Variants in NBR1 observed in about 807,000 individuals in gnomAD.
The protein encoded by NBR1 is NBR1 autophagy cargo receptor.
In NBR1, 59 loss-of-function variants were observed where a neutral mutation model predicts 115.5. The observed-to-expected ratio is 0.51, with a 90% confidence interval of 0.41 to 0.63. The LOEUF (loss-of-function observed/expected upper bound fraction) is 0.63. Among genes scored for constraint, NBR1 ranks in the 30% least tolerant of loss-of-function variants. The pLI is 0.00. For missense variants in NBR1, 1,043 were observed against 1,150.5 expected, an observed-to-expected ratio of 0.91 and a Z score of 1.35; for synonymous variants, 373 against 414.7, an observed-to-expected ratio of 0.90 and a Z score of 1.22.
In NBR1 at chr17:43,200,562, G is replaced by A. The variant is rs1340481385; in HGVS notation, c.2422G>A (p.Val808Met). 4 of 1,613,186 alleles carry A rather than the reference G, an allele frequency of 2.5e-6. No individual in the cohort carries two copies. Among genetic ancestry groups the A allele is most frequent in the Admixed American group, 3.3e-5 (2 of 59,988 alleles). ...ILTTSQTLET[V>M]PLIPEVVELP... ...CACGACCTCACAGACTCTGGAAACA[G>A]TGCCCCTAATCCCAGAGGTAGTGGA... Residue 808 changes from valine to methionine, a missense_variant, in exon 17 of 21, where the codon GTG (valine) becomes ATG (methionine). Coordinates refer to ENST00000590996, the MANE Select transcript of NBR1 (RefSeq NM_005899.5).
intron 20 of NBR1, among the ~76,000 whole-genome samples, chr17:43,205,771 A>T (rs2057301745): frequency 6.6e-6 from 1 of 151,476 alleles, no homozygotes; most frequent in African/African-American, 2.4e-5. Flanking sequence ...CCAGATACTC[A>T]AGAGGCCGAG....
chr17:43,183,626 G>A (rs1283378683), intron 5 of NBR1, among the ~76,000 whole-genome samples: 1 of 152,188 alleles, frequency 6.6e-6, no homozygotes, highest in Non-Finnish European at 1.5e-5. Context: ...AGCCTCCTGA[G>A]TAGTTGGGAC....
In NBR1 at chr17:43,193,155, A is replaced by G. The variant is rs1183378891; in HGVS notation, c.1135A>G (p.Asn379Asp). 6.2e-7 allele frequency: 1 copy of G among 1,613,976 alleles called. No homozygotes were observed. The change falls in exon 11 of 21, where the codon AAT becomes GAT. Residue 379 changes from asparagine to aspartate, a missense_variant. Coordinates refer to ENST00000590996, the MANE Select transcript of NBR1 (RefSeq NM_005899.5). The part of the protein sequence containing the change: ...PMLSAAFVDE[N>D]LPDGTHLQPG... ...GCTCAGTGCAGCATTTGTGGATGAG[A>G]ATTTGCCTGATGGGACTCACCTTCA...
At position 43,210,653 on chromosome 17, in the gene NBR1, C is replaced by T; in HGVS notation, c.*579C>T. Reference sequence around the variant, plus strand: ...ACTTAATAATTGGCACCGTTGCTTTCTAAAGACTCCATGGTGCATTCAAGA... The same window carrying T: ...ACTTAATAATTGGCACCGTTGCTTTTTAAAGACTCCATGGTGCATTCAAGA... On this transcript the variant is annotated 3_prime_UTR_variant, in exon 21 of 21. Coordinates refer to ENST00000590996, the MANE Select transcript of NBR1 (RefSeq NM_005899.5). 1 of 398,540 alleles carries T rather than the reference C, an allele frequency of 2.5e-6. No homozygotes were observed. Among genetic ancestry groups the T allele is most frequent in the East Asian group, 3.6e-5 (1 of 28,048 alleles). The allele number at this position is 398,540 out of a possible 1,614,324, so 24.7% of individuals were successfully genotyped here. A position where few individuals can be genotyped will look rare whatever the true frequency, so the allele number is the denominator to read the frequency against.
Position 43,195,047 on chromosome 17 carries a change from T to A in NBR1, c.1750+8T>A, listed in dbSNP as rs2057035462. ...CCCACAACACCCCTGTGGGTAAGAA[T>A]GTCACTCATTTCATCTTGTTCGTCT... is the stretch of plus-strand genomic sequence containing the variant. On this transcript the variant is annotated splice_region_variant and intron_variant, in intron 14 of 20. Transcript: ENST00000590996. 1 of 1,609,500 alleles carries A rather than the reference T, an allele frequency of 6.2e-7. No individual in the cohort carries two copies. The highest frequency in any genetic ancestry group is 1.3e-5 in the African/African-American group (1 of 74,936).
rs540882719 is a variant in NBR1 at position 43,192,437 on chromosome 17, C to T, written c.1074-657C>T. 6.6e-4 allele frequency among the ~76,000 whole-genome samples: 100 copies of T among 151,602 alleles called. No individual in the cohort carries two copies. In the Middle Eastern group the frequency reaches 0.01, roughly 16 times the overall value. ...AGGCTGGAGTGCAGTGGCGCGATCT[C>T]GGCTCACTGCAAGCTCCACCTCCTG... is the stretch of plus-strand genomic sequence containing the variant. On this transcript the variant is annotated intron_variant, in intron 10 of 20. Transcript: ENST00000590996.
intron 5 of NBR1, 88 bp from the exon 6 acceptor site, chr17:43,186,162 C>A: frequency 8.7e-7 from 1 of 1,148,320 alleles, no homozygotes; most frequent in Non-Finnish European, 1.2e-6. Flanking sequence ...CATAACTTAC[C>A]ACACTCTTCT....
chr17:43,176,733 T>C (rs1029969894), intron 2 of NBR1: 6 of 152,142 alleles, frequency 3.9e-5, no homozygotes, highest in African/African-American at 1.4e-4. Flanking sequence ...AAATCAGTTA[T>C]CTTTCTTTTC....
At position 43,196,968 on chromosome 17, in the gene NBR1, G is replaced by C; in HGVS notation, c.1888G>C (p.Ala630Pro). The change falls in exon 16 of 21, where the codon GCT becomes CCT. Residue 630 changes from alanine (A) to proline (P), a missense_variant. Physicochemically the swap from Ala to Pro is conservative, Grantham distance 27 (BLOSUM62 -1). Transcript: ENST00000590996. ...PDSMVSVKRKAENIASVEEAE... is the reference protein window; with the variant it reads ...PDSMVSVKRKPENIASVEEAE... ...TTCTATGGTGTCAGTAAAGAGGAAG[G>C]CTGAGAACATTGCTTCTGTGGAGGA... 1 of 1,614,028 alleles carries C rather than the reference G, an allele frequency of 6.2e-7. No homozygotes were observed.
intron 1 of NBR1, among the ~76,000 whole-genome samples, chr17:43,175,587 C>A (rs77887613): frequency 1.3e-5 from 2 of 152,244 alleles, no homozygotes; most frequent in African/African-American, 4.8e-5. Flanking sequence ...TTTAGCCTAT[C>A]TTTCTTTCCT....
intron 6 of NBR1, among the ~76,000 whole-genome samples, chr17:43,187,187 C>CT (rs1340390952): frequency 5.3e-5 from 8 of 151,356 alleles, no homozygotes; most frequent in Admixed American, 1.3e-4. Flanking sequence ...TCTATTATTT[C>CT]TTTTTTTTTG....
At chr17:43,182,401 T>A (rs2056693238) in intron 5 of NBR1, among the ~76,000 whole-genome samples, 1 of 151,270 alleles carries the variant, frequency 6.6e-6, no homozygotes, top group African/African-American at 2.5e-5. Flanking sequence ...TTGTAGTTTT[T>A]AGTAGAGACA....
chr17:43,186,363 G>A lies in NBR1; in HGVS notation c.321G>A (p.Gly107=). 1 of 1,601,728 alleles carries A rather than the reference G, an allele frequency of 6.2e-7. No homozygotes were observed. The highest frequency in any genetic ancestry group is 1.1e-5 in the South Asian group (1 of 88,530). The change falls in exon 6 of 21, where the codon GGG becomes GGA. Residue 107 remains glycine (G), a synonymous_variant. Transcript: ENST00000590996. ...VGAKRLAARA[G]KKPLAHYSSL... ...CAAAACGACTAGCTGCCAGGGCAGG[G>A]AAGAAGCCACTTGCACATTACTCTT...
chr17:43,193,748 A>G lies in NBR1; in HGVS notation c.1524+110A>G, dbSNP rs556515823. The G allele has an allele frequency of 2.7e-5, 33 of 1,217,658 alleles. No homozygotes were observed. The South Asian group carries it at 4.9e-4, about 18-fold the overall frequency. 75.4% of individuals were successfully genotyped at this position (1,217,658 alleles called of 1,614,324 possible). A position where few individuals can be genotyped will look rare whatever the true frequency, so the allele number is the denominator to read the frequency against. Reference sequence around the variant, plus strand: ...GCTGGTTGTTTTCCAGAAACCTTGAAAGGTTAGCATCTCCCCCCGCCCCAA... The same window carrying G: ...GCTGGTTGTTTTCCAGAAACCTTGAGAGGTTAGCATCTCCCCCCGCCCCAA... On this transcript the variant is annotated intron_variant, in intron 12 of 20. Transcript: ENST00000590996.
Position 43,209,973 on chromosome 17 carries a change from C to CT in NBR1, c.2801dup (p.Asn935GlufsTer66). 2.5e-6 allele frequency: 4 copies of CT among 1,612,346 alleles called. No individual in the cohort carries two copies. Among genetic ancestry groups the CT allele is most frequent in the African/African-American group, 1.3e-5 (1 of 74,818 alleles). ...TGAAATGGGATTCTGTGACAGGCAG[C>CT]TGAACCTACGGCTGCTGAAGAAACA... On this transcript the variant is annotated frameshift_variant, in exon 21 of 21. Transcript: ENST00000590996. LOFTEE classifies it high-confidence loss of function.
At chr17:43,187,502 C>CTTTTTTTT (rs71160025) in intron 6 of NBR1, among the ~76,000 whole-genome samples, 5 of 68,836 alleles carry the variant, frequency 7.3e-5, no homozygotes, top group Non-Finnish European at 1.2e-4. Flanking sequence ...TATTTCCTGA[C>CTTTTTTTT]TTTTTTTTTT....
chr17:43,202,190 A>AC (rs1374965459), intron 18 of NBR1, among the ~76,000 whole-genome samples: 28 of 150,556 alleles, frequency 1.9e-4, no homozygotes, highest in Middle Eastern at 3.4e-3. Context: ...AAAAAAAAAA[A>AC]AAAAAAACTT....
Position 43,210,839 on chromosome 17 carries a change from T to G in NBR1, c.*765T>G. ...ATTGTGAAATATTTTGCTAATCTTA[T>G]AGAAAAGGAAAAAATCCCGTTATTT... On this transcript the variant is annotated 3_prime_UTR_variant, in exon 21 of 21. Transcript: ENST00000590996. 1 of 397,756 alleles carries G rather than the reference T, an allele frequency of 2.5e-6. No homozygotes were observed. Among genetic ancestry groups the G allele is most frequent in the South Asian group, 1.3e-4 (1 of 7,424 alleles). 24.6% of individuals were successfully genotyped at this position (397,756 alleles called of 1,614,324 possible).
intron 5 of NBR1, among the ~76,000 whole-genome samples, chr17:43,184,859 A>C (rs2056761886): frequency 6.6e-6 from 1 of 151,920 alleles, no homozygotes. Context: ...TGGGAGGCTG[A>C]GGCGGCAGAT....
Sources: allele counts gnomAD v4.1 joint callset (sites outside exome capture counted in the v4.1 genomes callset), GRCh38; gene constraint gnomAD v4.1.1; transcripts MANE v1.5; gene names NCBI Gene and HGNC (gene_info 2026-07-23, HGNC 2026-07-21).